The following MAF variants were observed in gnomAD, a reference collection of about 807,000 sequenced individuals.
MAF encodes the protein transcription factor Maf.
Under a neutral mutation model 22.0 loss-of-function variants are expected in MAF, and 10 were observed. The ratio of observed to expected loss-of-function variants is 0.45; its 90% CI spans 0.28 to 0.77. The LOEUF is 0.77. Among genes scored for constraint, MAF ranks in the 30% least tolerant of loss-of-function variants. The pLI is 0.12. For missense variants in MAF, 544 were observed against 548.4 expected (o/e 0.99, Z 0.08); for synonymous variants, 337 against 255.8 (o/e 1.32, Z -3.03).
At chr16:79,453,613 G>A in the MAF span, among the ~76,000 whole-genome samples, 6 of 152,194 alleles carry the variant, frequency 3.9e-5, no homozygotes, top group Non-Finnish European at 5.9e-5. Flanking sequence ...GAGACTGGGG[G>A]ACAGGAAAAT....
At chr16:79,391,747 T>C in the MAF span, among the ~76,000 whole-genome samples, 1 of 152,164 alleles carries the variant, frequency 6.6e-6, no homozygotes, top group Non-Finnish European at 1.5e-5. Flanking sequence ...TCAGGCTTTC[T>C]GTCCTAATTG....
chr16:79,518,722 G>C, the MAF span, among the ~76,000 whole-genome samples: 4 of 152,252 alleles, frequency 2.6e-5, no homozygotes, highest in South Asian at 8.3e-4. Flanking sequence ...TATACCTCAG[G>C]TCGGAAGTTC....
chr16:79,376,157 C>T, the MAF span, among the ~76,000 whole-genome samples: 57 of 151,810 alleles, frequency 3.8e-4, no homozygotes, highest in African/African-American at 1.4e-3. Context: ...GTAAATGTTA[C>T]TTCTTCGTAT....
chr16:79,393,116 T>A, the MAF span, among the ~76,000 whole-genome samples: 2 of 152,210 alleles, frequency 1.3e-5, no homozygotes, highest in African/African-American at 4.8e-5. Flanking sequence ...GCAGAGAGGA[T>A]GTTGATTATA....
At chr16:79,211,915 T>A in the MAF span, 1 of 1,546,186 alleles carries the variant, frequency 6.5e-7, no homozygotes, top group African/African-American at 1.4e-5. Context: ...GTAAAGGAAA[T>A]AAGAGCAGTC....
the MAF span, among the ~76,000 whole-genome samples, chr16:79,538,784 C>T: frequency 1.1e-3 from 168 of 150,892 alleles, 1 homozygote; most frequent in Non-Finnish European, 1.6e-3. Context: ...TGAGATCACA[C>T]CACTACGCTA....
the MAF span, among the ~76,000 whole-genome samples, chr16:79,562,000 A>C: frequency 6.6e-6 from 1 of 152,122 alleles, no homozygotes; most frequent in African/African-American, 2.4e-5. Flanking sequence ...GCTCACAATC[A>C]CTTATGTTTG....
chr16:79,556,902 G>A, the MAF span, among the ~76,000 whole-genome samples: 1 of 151,866 alleles, frequency 6.6e-6, no homozygotes, highest in Non-Finnish European at 1.5e-5. Flanking sequence ...TGAGAAATGT[G>A]ATCAATAAGT....
chr16:79,337,454 G>C, the MAF span, among the ~76,000 whole-genome samples: 1 of 152,108 alleles, frequency 6.6e-6, no homozygotes, highest in East Asian at 1.9e-4. Context: ...TCTAGTCCCA[G>C]CTACTCAGGA....
chr16:79,564,610 G>T, the MAF span, among the ~76,000 whole-genome samples: 1 of 152,176 alleles, frequency 6.6e-6, no homozygotes. Context: ...AACTCTCGGG[G>T]CATGGAGCAC....
chr16:79,582,708 T>C (rs771761517), downstream of MAF, among the ~76,000 whole-genome samples: 1 of 152,208 alleles, frequency 6.6e-6, no homozygotes, highest in Non-Finnish European at 1.5e-5. Context: ...TTAAATGAAA[T>C]TGTTTGGCCT....
At chr16:79,303,958 C>G in the MAF span, among the ~76,000 whole-genome samples, 2 of 152,208 alleles carry the variant, frequency 1.3e-5, no homozygotes, top group Non-Finnish European at 2.9e-5. Flanking sequence ...TCAAAAGACT[C>G]ATTGCAAAAG....
chr16:79,488,623 T>G, the MAF span, among the ~76,000 whole-genome samples: 1 of 152,164 alleles, frequency 6.6e-6, no homozygotes, highest in African/African-American at 2.4e-5. Context: ...ATTATTAATA[T>G]TATTACCATT....
chr16:79,466,097 C>T, the MAF span, among the ~76,000 whole-genome samples: 2 of 152,142 alleles, frequency 1.3e-5, no homozygotes, highest in African/African-American at 2.4e-5. Context: ...CAGTTTTTCT[C>T]GCTTTTAGGG....
chr16:79,495,662 A>T, the MAF span, among the ~76,000 whole-genome samples: 1 of 152,298 alleles, frequency 6.6e-6, no homozygotes, highest in East Asian at 1.9e-4. Context: ...TGTTAAAATG[A>T]AACTTTTCTC....
the MAF span, chr16:79,206,254 CAG>C: frequency 6.6e-6 from 1 of 152,328 alleles, no homozygotes; most frequent in East Asian, 1.9e-4. Context: ...GCAGAGCAGG[CAG>C]AGAGGCATAG....
At chr16:79,441,039 G>A in the MAF span, among the ~76,000 whole-genome samples, 5 of 152,274 alleles carry the variant, frequency 3.3e-5, no homozygotes, top group East Asian at 1.9e-4. Flanking sequence ...ATTAAAATCC[G>A]CCTCCATACA....
At chr16:79,511,301 G>T in the MAF span, among the ~76,000 whole-genome samples, 1 of 152,078 alleles carries the variant, frequency 6.6e-6, no homozygotes, top group African/African-American at 2.4e-5. Context: ...CATTCTCATA[G>T]CCAAGAGAAT....
chr16:79,520,878 A>C, the MAF span, among the ~76,000 whole-genome samples: 46 of 152,290 alleles, frequency 3.0e-4, no homozygotes, highest in Non-Finnish European at 5.6e-4. Context: ...GGACCCTGCT[A>C]AGTGCTTCAT....
Sources: allele counts gnomAD v4.1 joint callset (sites outside exome capture counted in the v4.1 genomes callset), GRCh38; gene constraint gnomAD v4.1.1; transcripts MANE v1.5; gene names NCBI Gene and HGNC (gene_info 2026-07-23, HGNC 2026-07-21).